JARID2: variants seen among roughly 807,000 people sequenced by gnomAD.
JARID2 encodes the protein jumonji and AT-rich interaction domain containing 2.
Under a neutral mutation model 125.6 loss-of-function variants are expected in JARID2, and 21 were observed. That is an observed-to-expected ratio of 0.17 (90% confidence interval 0.12 to 0.24). JARID2 has a LOEUF of 0.24. Among genes scored for constraint, JARID2 ranks in the 10% least tolerant of loss-of-function variants. JARID2 has a pLI of 1.00. For synonymous variants in JARID2, 736 were observed against 661.6 expected (o/e 1.11, Z -1.73); for missense variants, 1,303 against 1,639.6 (o/e 0.79, Z 3.55).
At chr6:15,503,510 G>A (rs928819158) in intron 8 of JARID2, among the ~76,000 whole-genome samples, 7 of 152,104 alleles carry the variant, frequency 4.6e-5, no homozygotes, top group East Asian at 1.9e-4. Flanking sequence ...CCAGTGCTCC[G>A]CAGGGAAGCC....
chr6:15,508,333 G>A lies in JARID2; in HGVS notation c.2732-7G>A. 1 of 1,468,826 alleles carries A rather than the reference G, an allele frequency of 6.8e-7. No individual in the cohort carries two copies. Among genetic ancestry groups the A allele is most frequent in the Non-Finnish European group, 9.5e-7 (1 of 1,047,584 alleles). The allele number at this position is 1,468,826 out of a possible 1,614,324, so 91.0% of individuals were successfully genotyped here. A position where few individuals can be genotyped will look rare whatever the true frequency, so the allele number is the denominator to read the frequency against. ...TAAAAATGCCCTTTTCACTCTTTCT[G>A]TTTTAGGAGTGACTATTCCCTGGCT... On this transcript the variant is annotated splice_region_variant and splice_polypyrimidine_tract_variant and intron_variant, in intron 11 of 17. Transcript: ENST00000341776.
At chr6:15,394,458 G>T (rs571453821) in intron 2 of JARID2, among the ~76,000 whole-genome samples, 3 of 152,092 alleles carry the variant, frequency 2.0e-5, no homozygotes, top group Admixed American at 1.3e-4. Context: ...AAATTAGCTG[G>T]GTGTGGTGGC....
chr6:15,337,735 A>G (rs1283169590), intron 1 of JARID2, among the ~76,000 whole-genome samples: 2 of 151,666 alleles, frequency 1.3e-5, no homozygotes, highest in African/African-American at 4.9e-5. Flanking sequence ...CTGAGTGAGA[A>G]GGGTCCCCCT....
chr6:15,337,202 C>G (rs1392660617), intron 1 of JARID2, among the ~76,000 whole-genome samples: 1 of 152,170 alleles, frequency 6.6e-6, no homozygotes, highest in Non-Finnish European at 1.5e-5. Context: ...TCTCTTCTCT[C>G]TCTTACATGA....
intron 3 of JARID2, among the ~76,000 whole-genome samples, chr6:15,428,198 C>A (rs1023389746): frequency 1.3e-5 from 2 of 152,020 alleles, no homozygotes; most frequent in Non-Finnish European, 2.9e-5. Context: ...AGGTAAATAT[C>A]ATGCAAGAAT....
Position 15,284,697 on chromosome 6 carries a change from G to C in JARID2, c.45+38113G>C, listed in dbSNP as rs889628150. ...AGACGGGGTTTTACCATATTGGCGA[G>C]GCTGGTCTTGAACTCCTGACTTCAG... On this transcript the variant is annotated intron_variant, in intron 1 of 17. Coordinates refer to ENST00000341776, the MANE Select transcript of JARID2 (RefSeq NM_004973.4). 7.9e-5 allele frequency among the ~76,000 whole-genome samples: 12 copies of C among 152,120 alleles called. No homozygotes were observed. The East Asian group carries it at 1.9e-3, about 25-fold the overall frequency.
chr6:15,471,966 T>G (rs1249626975), intron 5 of JARID2, among the ~76,000 whole-genome samples: 1 of 151,990 alleles, frequency 6.6e-6, no homozygotes, highest in African/African-American at 2.4e-5. Context: ...TCTTAGGAGA[T>G]TCTACTTTTT....
intron 2 of JARID2, among the ~76,000 whole-genome samples, chr6:15,397,739 T>C (rs1765270715): frequency 1.3e-5 from 2 of 152,254 alleles, no homozygotes; most frequent in African/African-American, 4.8e-5. Context: ...GATTTGCCAT[T>C]CAACTTGTAA....
chr6:15,317,799 C>T (rs1390572363), intron 1 of JARID2, among the ~76,000 whole-genome samples: 2 of 152,110 alleles, frequency 1.3e-5, no homozygotes, highest in African/African-American at 2.4e-5. Flanking sequence ...CCTTGGGTGG[C>T]GTTGCACACA....
At chr6:15,326,141 C>T (rs1762525838) in intron 1 of JARID2, among the ~76,000 whole-genome samples, 1 of 152,110 alleles carries the variant, frequency 6.6e-6, no homozygotes, top group African/African-American at 2.4e-5. Flanking sequence ...TGCAGCCTCT[C>T]CTAATTGCAG....
chr6:15,421,865 C>T (rs1006549438), intron 3 of JARID2, among the ~76,000 whole-genome samples: 66 of 152,278 alleles, frequency 4.3e-4, no homozygotes, highest in African/African-American at 1.5e-3. Context: ...GAACTGGGGT[C>T]TGGCCTGGTC....
intron 2 of JARID2, among the ~76,000 whole-genome samples, chr6:15,390,773 G>C (rs2237157): frequency 0.37 from 56,509 of 151,858 alleles, 10,708 homozygotes; most frequent in Admixed American, 0.45. Context: ...CCTCCTGCCA[G>C]CTCAGGTCCA....
intron 4 of JARID2, among the ~76,000 whole-genome samples, chr6:15,455,192 CAAAA>C (rs36088738): frequency 7.8e-6 from 1 of 128,700 alleles, no homozygotes; most frequent in Non-Finnish European, 1.6e-5. Flanking sequence ...CACTTTGTCT[CAAAA>C]AAAAAAAAAA....
intron 1 of JARID2, chr6:15,368,640 A>G: frequency 2.2e-6 from 1 of 463,876 alleles, no homozygotes; most frequent in East Asian, 6.3e-5. Context: ...GAATGATTAA[A>G]GGAACTAGCA....
At chr6:15,438,279 T>G (rs1179820393) in intron 3 of JARID2, among the ~76,000 whole-genome samples, 2 of 152,126 alleles carry the variant, frequency 1.3e-5, no homozygotes, top group African/African-American at 4.8e-5. Flanking sequence ...CATTAGGGCA[T>G]GTTGAGGCTG....
At chr6:15,455,204 AAAAAC>A (rs1188882807) in intron 4 of JARID2, among the ~76,000 whole-genome samples, 6 of 152,146 alleles carry the variant, frequency 3.9e-5, no homozygotes, top group Admixed American at 6.6e-5. Context: ...AAAAAAAAAA[AAAAAC>A]AATGGTGATA....
At chr6:15,447,921 C>G (rs1767745323) in intron 3 of JARID2, among the ~76,000 whole-genome samples, 2 of 152,190 alleles carry the variant, frequency 1.3e-5, no homozygotes, top group African/African-American at 2.4e-5. Context: ...TTTCCTATAT[C>G]CAGCATTCTA....
chr6:15,291,673 C>T (rs774603136), intron 1 of JARID2, among the ~76,000 whole-genome samples: 3 of 152,180 alleles, frequency 2.0e-5, no homozygotes, highest in Non-Finnish European at 2.9e-5. Context: ...GTCTCTTGCA[C>T]GGTGCCTACA....
At chr6:15,454,407 T>G (rs1768059746) in intron 4 of JARID2, among the ~76,000 whole-genome samples, 1 of 152,222 alleles carries the variant, frequency 6.6e-6, no homozygotes, top group African/African-American at 2.4e-5. Context: ...TTGTTGAGCC[T>G]TGAAAACAGG....
Sources: gnomAD v4.1 joint callset for allele counts (sites outside exome capture counted in the v4.1 genomes callset) on GRCh38, gnomAD v4.1.1 for gene constraint, MANE v1.5 for transcripts, NCBI Gene and HGNC (gene_info 2026-07-23, HGNC 2026-07-21) for gene names.